The following FBLN5 variants were observed in gnomAD, a reference collection of about 807,000 sequenced individuals.
FBLN5 encodes fibulin-5.
Under a neutral mutation model 61.6 loss-of-function variants are expected in FBLN5, and 24 were observed. The observed-to-expected ratio is 0.39, with a 90% CI of 0.28 to 0.55. FBLN5 has a LOEUF of 0.55. Among genes scored for constraint, FBLN5 ranks in the 20% least tolerant of loss-of-function variants. FBLN5 has a pLI of 0.65. For missense variants in FBLN5, 470 were observed against 594.1 expected (o/e 0.79, Z 2.17); for synonymous variants, 213 against 219.8 (o/e 0.97, Z 0.27).
chr14:91,941,547 C>T (rs531884927), intron 2 of FBLN5, among the ~76,000 whole-genome samples: 8 of 152,198 alleles, frequency 5.3e-5, no homozygotes, highest in African/African-American at 1.7e-4. Flanking sequence ...ATATGGCCTG[C>T]ACTCCCGGGA....
At chr14:91,897,082 G>T (rs755701928) in intron 4 of FBLN5, among the ~76,000 whole-genome samples, 99 of 152,148 alleles carry the variant, frequency 6.5e-4, no homozygotes, top group Non-Finnish European at 1.1e-3. Flanking sequence ...CAGCTGTCTG[G>T]GAATCCTATG....
chr14:91,934,339 T>G (rs957566694), intron 4 of FBLN5, among the ~76,000 whole-genome samples: 1 of 152,198 alleles, frequency 6.6e-6, no homozygotes, highest in Non-Finnish European at 1.5e-5. Context: ...GCTCGGCCCC[T>G]CACTTGCTGT....
chr14:91,894,907 T>C, intron 5 of FBLN5, 43 bp downstream of exon 5: 1 of 1,400,470 alleles, frequency 7.1e-7, no homozygotes, highest in Non-Finnish European at 9.6e-7. Context: ...CTGGCAACCG[T>C]TAACTTCCAA....
chr14:91,923,076 C>G (rs1439515905), intron 4 of FBLN5, among the ~76,000 whole-genome samples: 2 of 152,170 alleles, frequency 1.3e-5, no homozygotes, highest in Non-Finnish European at 2.9e-5. Context: ...CACCCTTCAC[C>G]TGGTTGTCAT....
intron 7 of FBLN5, among the ~76,000 whole-genome samples, chr14:91,886,224 T>A (rs1319040191): frequency 6.6e-6 from 1 of 152,178 alleles, no homozygotes; most frequent in Non-Finnish European, 1.5e-5. Context: ...TAATTTAGAC[T>A]TTGCAAATTC....
In FBLN5 at chr14:91,887,285, G is replaced by A; in HGVS notation, c.647C>T (p.Pro216Leu). 6.2e-7 allele frequency: 1 copy of A among 1,613,594 alleles called. No homozygotes were observed. Among genetic ancestry groups the A allele is most frequent in the Middle Eastern group, 1.6e-4 (1 of 6,062 alleles). The change falls in exon 7 of 11, where the codon CCC becomes CTC. Residue 216 changes from proline to leucine, a missense_variant. By Grantham distance (98) the Pro-to-Leu change is moderately conservative. Coordinates refer to ENST00000342058, the MANE Select transcript of FBLN5 (RefSeq NM_006329.4). ...QDVNECATEN[P>L]CVQTCVNTYG... is the part of the protein sequence containing the mutation. ...GGTGTTGACGCAGGTTTGCACGCAG[G>A]GGTTCTCGGTGGCACACTCGTTCAC...
chr14:91,890,389 C>T (rs992929478), intron 6 of FBLN5, among the ~76,000 whole-genome samples: 1 of 152,208 alleles, frequency 6.6e-6, no homozygotes, highest in Non-Finnish European at 1.5e-5. Context: ...ACAAAGACCT[C>T]ATTCTGCGTC....
chr14:91,896,464 T>C (rs1238285204), intron 4 of FBLN5, among the ~76,000 whole-genome samples: 1 of 148,368 alleles, frequency 6.7e-6, no homozygotes, highest in Non-Finnish European at 1.5e-5. Context: ...CATGGTGCAG[T>C]CGGAAGTAAT....
At chr14:91,920,286 C>T (rs1008838846) in intron 4 of FBLN5, among the ~76,000 whole-genome samples, 1 of 152,214 alleles carries the variant, frequency 6.6e-6, no homozygotes, top group Non-Finnish European at 1.5e-5. Context: ...CAGTCAAATT[C>T]ATTCAATGTA....
At position 91,891,250 on chromosome 14, in the gene FBLN5, G is replaced by A. The variant is rs752012733; in HGVS notation, c.590C>T (p.Thr197Ile). The A allele has an allele frequency of 3.1e-6, 5 of 1,612,376 alleles. No individual in the cohort carries two copies. In the African/African-American group the frequency reaches 5.3e-5, roughly 17 times the overall value. ...SYSCTCNPGF[T>I]LNEDGRSCQD... ...GCAAGACCTTCCATCCTCATTGAGG[G>A]TAAAACCAGGGTTGCATGTACAAGA... The change falls in exon 6 of 11, where the codon ACC becomes ATC. Residue 197 changes from threonine to isoleucine, a missense_variant. By Grantham distance (89) the Thr-to-Ile change is moderately conservative. Coordinates refer to ENST00000342058, the MANE Select transcript of FBLN5 (RefSeq NM_006329.4).
In FBLN5 at chr14:91,870,348, C is replaced by G; in HGVS notation, c.1223G>C (p.Arg408Pro). Residue 408 changes from arginine to proline, a missense_variant, in exon 11 of 11, where the codon CGC becomes CCC. Arg to Pro is a moderately radical substitution (Grantham distance 103, BLOSUM62 -2). Transcript: ENST00000342058. ...GATTTCCCGGGGCCCTTTGATGGGG[C>G]GTGTCATCACCAGGGTGGCACTGAT... ...GPISATLVMTRPIKGPREIQL... is the reference protein window; with the variant it reads ...GPISATLVMTPPIKGPREIQL... The G allele has an allele frequency of 6.2e-7, 1 of 1,614,136 alleles. No homozygotes were observed. The highest frequency in any genetic ancestry group is 8.5e-7 in the Non-Finnish European group (1 of 1,180,050).
intron 4 of FBLN5, 42 bp from the exon 5 acceptor site, chr14:91,895,114 T>C (rs377696533): frequency 2.5e-6 from 4 of 1,612,258 alleles, no homozygotes; most frequent in African/African-American, 2.7e-5. Flanking sequence ...CTCACATCCA[T>C]CTAGAGCCCT....
chr14:91,893,097 T>C (rs1045500839), intron 5 of FBLN5, among the ~76,000 whole-genome samples: 9 of 152,074 alleles, frequency 5.9e-5, no homozygotes, highest in Non-Finnish European at 1.3e-4. Flanking sequence ...CCAGCGCCCC[T>C]TGTGGTGGGA....
At chr14:91,876,483 ATG>A (rs1392593257) in intron 10 of FBLN5, among the ~76,000 whole-genome samples, 1 of 152,232 alleles carries the variant, frequency 6.6e-6, no homozygotes, top group Non-Finnish European at 1.5e-5. Flanking sequence ...GTTTTTGCAG[ATG>A]TGATTAAGAA....
chr14:91,912,561 A>G (rs1374250446), intron 4 of FBLN5, among the ~76,000 whole-genome samples: 1 of 152,014 alleles, frequency 6.6e-6, no homozygotes, highest in African/African-American at 2.4e-5. Context: ...AGGAGAATCA[A>G]TTGAACCCAG....
At chr14:91,905,652 T>C (rs1471123757) in intron 4 of FBLN5, among the ~76,000 whole-genome samples, 1 of 150,532 alleles carries the variant, frequency 6.6e-6, no homozygotes, top group Non-Finnish European at 1.5e-5. Context: ...TGATCTCGGC[T>C]CACTGCAACC....
At chr14:91,890,832 G>T (rs1194953640) in intron 6 of FBLN5, among the ~76,000 whole-genome samples, 1 of 152,122 alleles carries the variant, frequency 6.6e-6, no homozygotes, top group Non-Finnish European at 1.5e-5. Context: ...TTCTTGGAGG[G>T]CCAGGGACCC....
At position 91,882,823 on chromosome 14, in the gene FBLN5, C is replaced by T; in HGVS notation, c.862+131G>A. On this transcript the variant is annotated intron_variant, in intron 8 of 10. Coordinates refer to ENST00000342058, the MANE Select transcript of FBLN5 (RefSeq NM_006329.4). This position sits in a 1 kb window ranked among gnomAD's most constrained non-coding sequence, Gnocchi z 4.9. ...TGCCACTATGAGAGCCACCAGCACCCACTCACACCCCCACCCCTGCCACCT... is the reference window on the plus strand; with the variant it reads ...TGCCACTATGAGAGCCACCAGCACCTACTCACACCCCCACCCCTGCCACCT... 1.0e-6 allele frequency: 1 copy of T among 1,002,884 alleles called. No individual in the cohort carries two copies. Among genetic ancestry groups the T allele is most frequent in the South Asian group, 1.4e-5 (1 of 71,176 alleles). 62.1% of individuals were successfully genotyped at this position (1,002,884 alleles called of 1,614,324 possible).
chr14:91,904,238 G>A (rs991016320), intron 4 of FBLN5, among the ~76,000 whole-genome samples: 2 of 152,162 alleles, frequency 1.3e-5, no homozygotes, highest in South Asian at 4.1e-4. Context: ...TGGAAATGAA[G>A]ATACTTGACT....
Sources: gnomAD v4.1 joint callset for allele counts (sites outside exome capture counted in the v4.1 genomes callset) on GRCh38, gnomAD v4.1.1 for gene constraint, Gnocchi (gnomAD v3.1) non-coding constraint, MANE v1.5 for transcripts, NCBI Gene and HGNC (gene_info 2026-07-23, HGNC 2026-07-21) for gene names.